STAMBP: variants seen among roughly 807,000 people sequenced by gnomAD.
The protein encoded by STAMBP is STAM-binding protein.
A neutral mutation model predicts 50.7 loss-of-function variants in STAMBP; 31 were observed. The ratio of observed to expected loss-of-function variants is 0.61; its 90% CI spans 0.46 to 0.83. STAMBP has a LOEUF of 0.83. Ranked by LOEUF, STAMBP falls within the 40% of genes least tolerant of loss-of-function variation. The pLI is 0.00. For missense variants in STAMBP, 472 were observed against 518.9 expected, an observed-to-expected ratio of 0.91 and a Z score of 0.88; for synonymous variants, 211 against 192.4, an observed-to-expected ratio of 1.10 and a Z score of -0.80.
rs1675912969 is a variant in STAMBP, at chr2:73,845,230, A to G, written c.343A>G (p.Thr115Ala). The G allele has an allele frequency of 6.2e-7, 1 of 1,613,808 alleles. No individual in the cohort carries two copies. Among genetic ancestry groups the G allele is most frequent in the East Asian group, 2.2e-5 (1 of 44,864 alleles). Reference protein sequence around the residue: ...ELKAELLKRYTKEYTEYNEEK... With the variant: ...ELKAELLKRYAKEYTEYNEEK... ...GAAGGCAGAGCTGTTAAAACGATAT[A>G]CCAAAGAATATACAGAATATAATGA... Residue 115 changes from threonine to alanine, a missense_variant, in exon 4 of 10, where the codon ACC becomes GCC. Coordinates refer to ENST00000394070, the MANE Select transcript of STAMBP (RefSeq NM_213622.4).
At position 73,863,785 on chromosome 2, in the gene STAMBP, A is replaced by G. The variant is rs917894363; in HGVS notation, c.*1526A>G. The G allele has an allele frequency of 6.6e-6, 1 of 152,070 alleles. No individual in the cohort carries two copies. Among genetic ancestry groups the G allele is most frequent in the Non-Finnish European group, 1.5e-5 (1 of 68,032 alleles). 9.4% of individuals were successfully genotyped at this position (152,070 alleles called of 1,614,324 possible). A position where few individuals can be genotyped will look rare whatever the true frequency, so the allele number is the denominator to read the frequency against. ...CCCTTCTTCCCATTCTTTGTCTACC[A>G]CTTAGCTTAGGGCTTTCTTACCTTT... is the stretch of plus-strand genomic sequence containing the variant. On this transcript the variant is annotated 3_prime_UTR_variant, in exon 10 of 10. Transcript: ENST00000394070.
chr2:73,860,553 T>G, intron 9 of STAMBP: 1 of 987,044 alleles, frequency 1.0e-6, no homozygotes. Flanking sequence ...CAATAAGAGA[T>G]TTGAAGGCAA....
At chr2:73,835,885 C>G (rs1321406685) in intron 2 of STAMBP, among the ~76,000 whole-genome samples, 1 of 151,988 alleles carries the variant, frequency 6.6e-6, no homozygotes, top group African/African-American at 2.4e-5. Context: ...ATGTACCAGT[C>G]TGAACTCAGA....
chr2:73,853,158 T>A (rs937962796), intron 7 of STAMBP, among the ~76,000 whole-genome samples: 1 of 152,078 alleles, frequency 6.6e-6, no homozygotes, highest in Non-Finnish European at 1.5e-5. Context: ...TTGATGAAAT[T>A]ATTGAGGATC....
At chr2:73,848,014 A>G (rs1676349985) in intron 5 of STAMBP, among the ~76,000 whole-genome samples, 1 of 152,210 alleles carries the variant, frequency 6.6e-6, no homozygotes, top group Admixed American at 6.5e-5. Flanking sequence ...TAGTGAAAGG[A>G]AAAGAATGTG....
intron 9 of STAMBP, 49 bp from the exon 10 acceptor site, chr2:73,862,153 AG>A: frequency 5.3e-6 from 8 of 1,509,090 alleles, no homozygotes; most frequent in South Asian, 4.9e-5. Flanking sequence ...AAAAAAAAAA[AG>A]ACTTTTCAGA....
Position 73,849,455 on chromosome 2 carries a change from G to A in STAMBP, c.835G>A (p.Val279Met). Residue 279 changes from valine to methionine, a missense_variant, in exon 6 of 10, where the codon GTG (valine) becomes ATG (methionine). Coordinates refer to ENST00000394070, the MANE Select transcript of STAMBP (RefSeq NM_213622.4). Reference protein sequence around the residue: ...QLASANTARGVETCGILCGKL... With the variant: ...QLASANTARGMETCGILCGKL... ...AGCCAGTGCCAACACTGCCCGGGGA[G>A]TGGAGACATGTGGAATTCTCTGTGG... The A allele has an allele frequency of 6.2e-7, 1 of 1,610,186 alleles. No homozygotes were observed.
At position 73,844,850 on chromosome 2, in the gene STAMBP, A is replaced by T; in HGVS notation, c.241A>T (p.Lys81Ter). The T allele has an allele frequency of 6.2e-7, 1 of 1,614,080 alleles. No homozygotes were observed. The highest frequency in any genetic ancestry group is 8.5e-7 in the Non-Finnish European group (1 of 1,180,006). Reference sequence around the variant, plus strand: ...GAAACTACCAAAACATCGAGATTACAAATCTGCTGTCATTCCTGAAAAGAA... The same window carrying T: ...GAAACTACCAAAACATCGAGATTACTAATCTGCTGTCATTCCTGAAAAGAA... ...IEKLPKHRDY[K>*]SAVIPEKKDT... is the part of the protein sequence containing the mutation. The change falls in exon 3 of 10, where the codon AAA (lysine) becomes TAA (stop). Residue 81 changes from lysine to a stop codon, truncating the protein, a stop_gained. Transcript: ENST00000394070. LOFTEE classifies it high-confidence loss of function.
At chr2:73,843,420 GTA>G (rs3980653) in intron 2 of STAMBP, among the ~76,000 whole-genome samples, 3 of 112,338 alleles carry the variant, frequency 2.7e-5, no homozygotes, top group Admixed American at 8.2e-5. Flanking sequence ...ATATATATAT[GTA>G]TATATATATA....
intron 7 of STAMBP, among the ~76,000 whole-genome samples, chr2:73,858,969 C>G (rs939167351): frequency 6.6e-6 from 1 of 151,752 alleles, no homozygotes; most frequent in Admixed American, 6.6e-5. Context: ...CCTATATATG[C>G]TATGTTTTTT....
intron 2 of STAMBP, among the ~76,000 whole-genome samples, chr2:73,831,645 C>T (rs936822026): frequency 1.3e-5 from 2 of 151,818 alleles, no homozygotes; most frequent in African/African-American, 4.8e-5. Context: ...TTCTAAAACT[C>T]CATTGACAAT....
chr2:73,859,716 A>G (rs1304809754), intron 8 of STAMBP, among the ~76,000 whole-genome samples: 1 of 150,644 alleles, frequency 6.6e-6, no homozygotes, highest in Admixed American at 6.6e-5. Flanking sequence ...AAAAAATATA[A>G]TAAAAAAATA....
chr2:73,830,808 G>A, intron 1 of STAMBP, 37 bp from the exon 2 acceptor site: 1 of 1,537,456 alleles, frequency 6.5e-7, no homozygotes, highest in Non-Finnish European at 8.9e-7. Flanking sequence ...GATGATGAGG[G>A]CAACGGTATT....
At chr2:73,834,220 AAAAAAAAAAAAAAAAAATAT>A (rs1286444333) in intron 2 of STAMBP, among the ~76,000 whole-genome samples, 18 of 21,464 alleles carry the variant, frequency 8.4e-4, no homozygotes, top group Admixed American at 3.2e-3. Flanking sequence ...AAAAAAAAAA[AAAAAAAAAAAAAAAAAATAT>A]ATATATATAT....
intron 1 of STAMBP, among the ~76,000 whole-genome samples, 161 bp from the exon 2 acceptor site, chr2:73,830,684 C>G (rs995164822): frequency 2.6e-5 from 4 of 152,228 alleles, no homozygotes; most frequent in Non-Finnish European, 5.9e-5. Flanking sequence ...CCTTGAGGGT[C>G]TCAGCCTTCT....
At chr2:73,842,906 A>G (rs1043315098) in intron 2 of STAMBP, among the ~76,000 whole-genome samples, 1 of 152,220 alleles carries the variant, frequency 6.6e-6, no homozygotes, top group Non-Finnish European at 1.5e-5. Flanking sequence ...TTCTATAATA[A>G]GAGCATAAGT....
chr2:73,847,768 T>C lies in STAMBP; in HGVS notation c.742+15T>C. ...CTCAGAAAGTAGTAAGTGCATTTGC[T>C]GATGTCCTCTTCCTTCTCAGTTGCA... On this transcript the variant is annotated intron_variant, in intron 5 of 9. Transcript: ENST00000394070. 6.2e-7 allele frequency: 1 copy of C among 1,605,688 alleles called. No homozygotes were observed. The highest frequency in any genetic ancestry group is 8.5e-7 in the Non-Finnish European group (1 of 1,176,610).
In STAMBP at chr2:73,866,719, G is replaced by A. The variant is rs1357425403; in HGVS notation, c.*4460G>A. ...CTGGCCAACAGCGAATTTAATGGGT[G>A]GTCAAAAGAAGATGTGCCTGCATAG... On this transcript the variant is annotated 3_prime_UTR_variant, in exon 10 of 10. Coordinates refer to ENST00000394070, the MANE Select transcript of STAMBP (RefSeq NM_213622.4). 1 of 152,224 alleles carries A rather than the reference G, an allele frequency of 6.6e-6. No individual in the cohort carries two copies. Among genetic ancestry groups the A allele is most frequent in the African/African-American group, 2.4e-5 (1 of 41,424 alleles). 9.4% of individuals were successfully genotyped at this position (152,224 alleles called of 1,614,324 possible).
intron 2 of STAMBP, among the ~76,000 whole-genome samples, chr2:73,832,147 ATAAC>A (rs1018365251): frequency 6.9e-6 from 1 of 144,120 alleles, no homozygotes; most frequent in East Asian, 2.0e-4. Flanking sequence ...GCACAAAAGA[ATAAC>A]TATAGTTAAA....
Sources: gnomAD v4.1 joint callset for allele counts (sites outside exome capture counted in the v4.1 genomes callset) on GRCh38, gnomAD v4.1.1 for gene constraint, MANE v1.5 for transcripts, NCBI Gene and HGNC (gene_info 2026-07-23, HGNC 2026-07-21) for gene names.